The following RARS2 variants were observed in gnomAD, a reference collection of about 807,000 sequenced individuals.
The protein encoded by RARS2 is arginyl-tRNA synthetase 2, mitochondrial.
In RARS2, 67 loss-of-function variants were observed where a neutral mutation model predicts 88.5. The observed-to-expected ratio is 0.76, with a 90% confidence interval of 0.62 to 0.93. The LOEUF is 0.93. Ranked by LOEUF, RARS2 falls within the 40% of genes least tolerant of loss-of-function variation. The pLI, the probability that RARS2 is intolerant of heterozygous loss-of-function variation, is 0.00. For synonymous variants in RARS2, 239 were observed against 230.3 expected (o/e 1.04, Z -0.34); for missense variants, 664 against 684.2 (o/e 0.97, Z 0.33).
At chr6:87,589,396 C>T (rs1776274259) in intron 1 of RARS2, among the ~76,000 whole-genome samples, 1 of 152,156 alleles carries the variant, frequency 6.6e-6, no homozygotes, top group South Asian at 2.1e-4. Flanking sequence ...TTTGTAAGCC[C>T]TTCCTCACAA....
At chr6:87,578,430 G>A (rs1334738958) in intron 1 of RARS2, among the ~76,000 whole-genome samples, 2 of 152,060 alleles carry the variant, frequency 1.3e-5, no homozygotes, top group African/African-American at 4.8e-5. Flanking sequence ...GCATCCTTTT[G>A]TATTGCTTAA....
At chr6:87,519,206 G>A (rs1345426040) in intron 14 of RARS2, 7 of 272,164 alleles carry the variant, frequency 2.6e-5, no homozygotes, top group African/African-American at 1.5e-4. Context: ...GTGTGTGTGT[G>A]TGTATATATA....
Position 87,564,181 on chromosome 6 carries a change from A to T in RARS2, c.162T>A (p.Asn54Lys). 1.2e-6 allele frequency: 2 copies of T among 1,613,854 alleles called. No individual in the cohort carries two copies. ...LSVDSLLEKDNDHSRPDIQVQ... is the reference protein window; with the variant it reads ...LSVDSLLEKDKDHSRPDIQVQ... The stretch of plus-strand genomic sequence containing the variant: ...CTTGAATATCTGGTCTTGAATGGTC[A>T]TTGTCTTTTTCCAATAAAGAATCCA... Residue 54 changes from asparagine to lysine, a missense_variant, in exon 3 of 20, where the codon AAT becomes AAA. By Grantham distance (94) the Asn-to-Lys change is moderately conservative. Coordinates refer to ENST00000369536, the MANE Select transcript of RARS2 (RefSeq NM_020320.5).
intron 8 of RARS2, among the ~76,000 whole-genome samples, chr6:87,540,294 CA>C (rs534304072): frequency 1.2e-4 from 17 of 145,104 alleles, no homozygotes; most frequent in African/African-American, 1.0e-4. Flanking sequence ...CTAAAAAATA[CA>C]AAAAAAAAAT....
chr6:87,556,088 G>A (rs1223350337), intron 4 of RARS2, among the ~76,000 whole-genome samples: 1 of 152,106 alleles, frequency 6.6e-6, no homozygotes, highest in Non-Finnish European at 1.5e-5. Flanking sequence ...CACAAGCAAT[G>A]GTAGGAAAAA....
At chr6:87,540,122 A>G (rs1460218883) in intron 8 of RARS2, among the ~76,000 whole-genome samples, 2 of 152,086 alleles carry the variant, frequency 1.3e-5, no homozygotes, top group Non-Finnish European at 2.9e-5. Flanking sequence ...GCATGGACTC[A>G]GGGGAAAATG....
chr6:87,576,500 T>A (rs13215117), intron 1 of RARS2, among the ~76,000 whole-genome samples: 11,281 of 78,952 alleles, frequency 0.14, 1,778 homozygotes, highest in Admixed American at 0.18. Flanking sequence ...ATGGTCTCGA[T>A]CTCCTGACCT....
chr6:87,547,794 C>G (rs1783034979), intron 6 of RARS2, among the ~76,000 whole-genome samples: 1 of 151,972 alleles, frequency 6.6e-6, no homozygotes, highest in Admixed American at 6.6e-5. Context: ...TGCACACCAT[C>G]ACACCAGCTG....
intron 5 of RARS2, among the ~76,000 whole-genome samples, chr6:87,554,904 C>T (rs1056994372): frequency 1.3e-5 from 2 of 152,004 alleles, no homozygotes; most frequent in Non-Finnish European, 2.9e-5. Context: ...AGATGGAGAC[C>T]ATCCTGGCTA....
intron 1 of RARS2, among the ~76,000 whole-genome samples, chr6:87,580,370 A>G (rs1369289167): frequency 6.6e-6 from 1 of 152,156 alleles, no homozygotes; most frequent in Non-Finnish European, 1.5e-5. Context: ...AAAGACTGAC[A>G]GTAAACCTGA....
intron 1 of RARS2, among the ~76,000 whole-genome samples, chr6:87,570,052 A>G (rs1337403445): frequency 6.6e-6 from 1 of 152,134 alleles, no homozygotes; most frequent in African/African-American, 2.4e-5. Context: ...GACAAAAAAC[A>G]AAACAAAACA....
chr6:87,545,529 G>T, intron 7 of RARS2, 87 bp downstream of exon 7: 1 of 1,566,194 alleles, frequency 6.4e-7, no homozygotes. Context: ...TCATCCAATG[G>T]GATTCTGCCT....
chr6:87,548,504 G>T, intron 6 of RARS2, 87 bp downstream of exon 6: 3 of 1,309,632 alleles, frequency 2.3e-6, no homozygotes, highest in Admixed American at 2.1e-5. Context: ...TTGCTATTTT[G>T]TTATTTAAGC....
At chr6:87,560,254 T>G (rs961028002) in intron 4 of RARS2, among the ~76,000 whole-genome samples, 18 of 152,236 alleles carry the variant, frequency 1.2e-4, no homozygotes, top group African/African-American at 3.9e-4. Context: ...TTCTTTTACT[T>G]TTGGTTAAAC....
intron 18 of RARS2, among the ~76,000 whole-genome samples, chr6:87,516,517 G>T (rs1437673461): frequency 6.6e-6 from 1 of 152,140 alleles, no homozygotes; most frequent in Non-Finnish European, 1.5e-5. Context: ...ATCGCTCAAG[G>T]CTGGGCTGGT....
chr6:87,589,611 G>A, intron 1 of RARS2: 1 of 926,544 alleles, frequency 1.1e-6, no homozygotes, highest in Non-Finnish European at 1.3e-6. Context: ...TAACTTCTAT[G>A]GGGTCTAATC....
chr6:87,586,382 C>A (rs950526588), intron 1 of RARS2, among the ~76,000 whole-genome samples: 23 of 152,170 alleles, frequency 1.5e-4, no homozygotes, highest in African/African-American at 5.1e-4. Context: ...CCTGACCTCT[C>A]CCCAAGCTCT....
chr6:87,576,098 C>CCAACACAAATT (rs1381119834), intron 1 of RARS2, among the ~76,000 whole-genome samples: 166 of 122,198 alleles, frequency 1.4e-3, no homozygotes, highest in African/African-American at 1.5e-3. Flanking sequence ...ATGCGCCCAG[C>CCAACACAAATT]TGGATAAGTC....
chr6:87,580,896 T>A (rs577904553), intron 1 of RARS2, among the ~76,000 whole-genome samples: 1 of 152,292 alleles, frequency 6.6e-6, no homozygotes, highest in Admixed American at 6.5e-5. Context: ...GAATGGCTAA[T>A]ATGTAGTGAG....
Sources: allele counts gnomAD v4.1 joint callset (sites outside exome capture counted in the v4.1 genomes callset), GRCh38; gene constraint gnomAD v4.1.1; transcripts MANE v1.5; gene names NCBI Gene and HGNC (gene_info 2026-07-23, HGNC 2026-07-21).